GALNT17: variants seen among roughly 807,000 people sequenced by gnomAD.
GALNT17 encodes UDP-GalNAc:polypeptide N-acetylgalactosaminyltransferase-like 3.
A neutral mutation model predicts 63.7 loss-of-function variants in GALNT17; 29 were observed. The observed-to-expected ratio is 0.46, with a 90% CI of 0.34 to 0.62. GALNT17 has a LOEUF of 0.62. Among genes scored for constraint, GALNT17 ranks in the 20% least tolerant of loss-of-function variants. The pLI, the probability that GALNT17 is intolerant of heterozygous loss-of-function variation, is 0.01. For missense variants in GALNT17, 603 were observed against 799.6 expected (o/e 0.75, Z 2.97); for synonymous variants, 305 against 318.3 (o/e 0.96, Z 0.45).
At position 71,710,792 on chromosome 7, in the gene GALNT17, A is replaced by G; in HGVS notation, c.1532A>G (p.His511Arg). ...LARYTKEGFL[H>R]LGALGTTTLL... ...CGCTACACCAAGGAAGGCTTCCTGC[A>G]CTTGGGTGCCCTGGGGACCACCACA... Residue 511 changes from histidine to arginine, a missense_variant, in exon 10 of 11, where the codon CAC (histidine) becomes CGC (arginine). By Grantham distance (29) the His-to-Arg change is conservative (BLOSUM62 0). Coordinates refer to ENST00000333538, the MANE Select transcript of GALNT17 (RefSeq NM_022479.3). 1.9e-6 allele frequency: 3 copies of G among 1,613,152 alleles called. No individual in the cohort carries two copies. The highest frequency in any genetic ancestry group is 2.5e-6 in the Non-Finnish European group (3 of 1,179,934).
At chr7:71,209,924 A>C (rs962549297) in intron 1 of GALNT17, among the ~76,000 whole-genome samples, 1 of 151,782 alleles carries the variant, frequency 6.6e-6, no homozygotes, top group Non-Finnish European at 1.5e-5. Flanking sequence ...TTATTTATTT[A>C]TTTATTTATT....
intron 9 of GALNT17, among the ~76,000 whole-genome samples, chr7:71,703,737 C>T (rs142460284): frequency 1.0e-3 from 156 of 152,116 alleles, no homozygotes; most frequent in African/African-American, 3.5e-3. Flanking sequence ...CATAAAGATC[C>T]GGTTATATTT....
At chr7:71,355,953 T>C (rs746904701) in intron 2 of GALNT17, among the ~76,000 whole-genome samples, 1 of 152,144 alleles carries the variant, frequency 6.6e-6, no homozygotes, top group Non-Finnish European at 1.5e-5. Context: ...CTTCTCGATA[T>C]AGTTACTTTG....
intron 1 of GALNT17, among the ~76,000 whole-genome samples, chr7:71,251,983 C>G (rs1583799787): frequency 4.6e-5 from 7 of 152,238 alleles, no homozygotes; most frequent in African/African-American, 1.7e-4. Context: ...GCACATTCAG[C>G]CTCGGGCTGT....
intron 5 of GALNT17, among the ~76,000 whole-genome samples, chr7:71,483,009 G>T (rs1004712668): frequency 6.6e-6 from 1 of 152,326 alleles, no homozygotes; most frequent in Admixed American, 6.5e-5. Context: ...TCGCCTGCGG[G>T]CCGCTCACCT....
intron 6 of GALNT17, among the ~76,000 whole-genome samples, chr7:71,641,603 A>G (rs73371270): frequency 0.09 from 13,737 of 151,866 alleles, 895 homozygotes; most frequent in African/African-American, 0.19. Flanking sequence ...AAGGGCACCA[A>G]CCCTATTCAC....
intron 1 of GALNT17, among the ~76,000 whole-genome samples, chr7:71,199,842 C>T (rs1328779621): frequency 2.6e-5 from 4 of 152,154 alleles, no homozygotes; most frequent in Non-Finnish European, 5.9e-5. Context: ...CACTTGTAGA[C>T]TATAGAGATA....
intron 1 of GALNT17, among the ~76,000 whole-genome samples, chr7:71,229,123 G>A (rs1235396632): frequency 6.6e-6 from 1 of 152,162 alleles, no homozygotes; most frequent in Non-Finnish European, 1.5e-5. Flanking sequence ...TCTTTGCCCC[G>A]GGTGCTGCAT....
At chr7:71,594,879 A>C (rs578171166) in intron 6 of GALNT17, among the ~76,000 whole-genome samples, 7 of 152,214 alleles carry the variant, frequency 4.6e-5, no homozygotes, top group African/African-American at 1.7e-4. Flanking sequence ...AGGCATGTTG[A>C]AGTCCTTACC....
intron 5 of GALNT17, among the ~76,000 whole-genome samples, chr7:71,534,598 CAAAAAA>C (rs371592743): frequency 1.8e-5 from 2 of 108,292 alleles, no homozygotes; most frequent in Non-Finnish European, 3.7e-5. Context: ...GACTCCATCT[CAAAAAA>C]AAAAAAAAAA....
intron 5 of GALNT17, among the ~76,000 whole-genome samples, chr7:71,471,971 G>A (rs1380911097): frequency 6.6e-6 from 1 of 151,216 alleles, no homozygotes; most frequent in East Asian, 1.9e-4. Context: ...ACTCATTTTG[G>A]GCTGCTGTAA....
At chr7:71,409,605 C>A (rs1793395114) in intron 3 of GALNT17, among the ~76,000 whole-genome samples, 1 of 152,204 alleles carries the variant, frequency 6.6e-6, no homozygotes, top group Non-Finnish European at 1.5e-5. Flanking sequence ...AAGTCCTGGA[C>A]TGGGTGGCCA....
chr7:71,132,853 G>T lies in GALNT17; in HGVS notation c.51G>T (p.Ala17=), dbSNP rs748838896. ...TGCTGTTGGTGTTGAACTTGATCGC[G>T]GTAGCCGGCTTCGTGCTCTTCCTGG... ...VKVLLVLNLI[A]VAGFVLFLAK... The change falls in exon 1 of 11, where the codon GCG becomes GCT. Residue 17 remains alanine (A), a synonymous_variant. Transcript: ENST00000333538. 6.8e-6 allele frequency: 11 copies of T among 1,612,726 alleles called. No individual in the cohort carries two copies. Among genetic ancestry groups the T allele is most frequent in the Non-Finnish European group, 9.3e-6 (11 of 1,179,310 alleles).
chr7:71,150,282 C>T (rs998984383), intron 1 of GALNT17, among the ~76,000 whole-genome samples: 12 of 151,946 alleles, frequency 7.9e-5, no homozygotes, highest in African/African-American at 2.2e-4. Flanking sequence ...ATAGAACTAC[C>T]GTGGTCTCTA....
Position 71,232,429 on chromosome 7 carries a change from G to A in GALNT17, c.238+99389G>A, listed in dbSNP as rs1789807918. Among the ~76,000 whole-genome samples, 3 of 152,138 alleles carry A rather than the reference G, an allele frequency of 2.0e-5. No individual in the cohort carries two copies. In the South Asian group the frequency reaches 6.2e-4, roughly 32 times the overall value. On this transcript the variant is annotated intron_variant, in intron 1 of 10. Transcript: ENST00000333538. ...CCATTCCAGGGTTACTTGTATTTTAGCCAAAGCAGTGGGGAGTAGGGGGGA... is the reference window on the plus strand; with the variant it reads ...CCATTCCAGGGTTACTTGTATTTTAACCAAAGCAGTGGGGAGTAGGGGGGA...
At chr7:71,473,863 G>A (rs1787681709) in intron 5 of GALNT17, among the ~76,000 whole-genome samples, 2 of 152,152 alleles carry the variant, frequency 1.3e-5, no homozygotes, top group South Asian at 2.1e-4. Context: ...CCAAGAGAGG[G>A]TTCTTGGATC....
At chr7:71,335,255 T>C (rs910100286) in intron 1 of GALNT17, among the ~76,000 whole-genome samples, 1 of 152,054 alleles carries the variant, frequency 6.6e-6, no homozygotes, top group Non-Finnish European at 1.5e-5. Flanking sequence ...CCTCAGCCTC[T>C]CGAGTAGCTG....
intron 1 of GALNT17, among the ~76,000 whole-genome samples, chr7:71,212,188 C>A (rs2116394764): frequency 6.6e-6 from 1 of 152,294 alleles, no homozygotes; most frequent in Non-Finnish European, 1.5e-5. Flanking sequence ...GGACCTGGTG[C>A]CCTGCATCCC....
intron 1 of GALNT17, among the ~76,000 whole-genome samples, chr7:71,217,182 A>G (rs917452995): frequency 1.0e-4 from 13 of 125,088 alleles, no homozygotes; most frequent in African/African-American, 3.1e-4. Context: ...GAGTTTTGCC[A>G]TGTGGCCCAG....
Sources: gnomAD v4.1 joint callset for allele counts (sites outside exome capture counted in the v4.1 genomes callset) on GRCh38, gnomAD v4.1.1 for gene constraint, MANE v1.5 for transcripts, NCBI Gene and HGNC (gene_info 2026-07-23, HGNC 2026-07-21) for gene names.